The following FSD1L variants were observed in gnomAD, a reference collection of about 807,000 sequenced individuals.
FSD1L encodes fibronectin type III and SPRY domain containing 1 like.
FSD1L carries 45 observed loss-of-function variants against 71.6 expected under a neutral mutation model. The observed-to-expected ratio is 0.63, with a 90% confidence interval of 0.49 to 0.81. FSD1L has a LOEUF of 0.81. Ranked by LOEUF, FSD1L falls within the 30% of genes least tolerant of loss-of-function variation. The pLI is 0.00. For synonymous variants in FSD1L, 197 were observed against 207.2 expected, an observed-to-expected ratio of 0.95 and a Z score of 0.42; for missense variants, 561 against 618.1, an observed-to-expected ratio of 0.91 and a Z score of 0.98.
chr9:105,457,608 C>A (rs1013175242), intron 1 of FSD1L, among the ~76,000 whole-genome samples: 1 of 152,220 alleles, frequency 6.6e-6, no homozygotes, highest in African/African-American at 2.4e-5. Flanking sequence ...GTTTCTTAAC[C>A]AGCTAGAAAC....
chr9:105,497,866 T>C (rs1009834847), intron 7 of FSD1L, among the ~76,000 whole-genome samples: 1 of 152,082 alleles, frequency 6.6e-6, no homozygotes, highest in African/African-American at 2.4e-5. Context: ...TTTTTAGAGA[T>C]AGAGTCTTGC....
intron 10 of FSD1L, chr9:105,526,112 G>C (rs568208404): frequency 1.3e-6 from 2 of 1,553,804 alleles, no homozygotes; most frequent in South Asian, 2.2e-5. Context: ...CCCTTCTTTG[G>C]TCCCCTTTTT....
intron 13 of FSD1L, among the ~76,000 whole-genome samples, chr9:105,543,232 A>G (rs1421259023): frequency 1.3e-5 from 2 of 152,258 alleles, no homozygotes; most frequent in East Asian, 3.9e-4. Flanking sequence ...GTATAATTGA[A>G]GGTGATGATA....
At chr9:105,486,722 G>T (rs917397233) in intron 7 of FSD1L, among the ~76,000 whole-genome samples, 2 of 152,074 alleles carry the variant, frequency 1.3e-5, no homozygotes, top group African/African-American at 4.8e-5. Context: ...ACTTAGAGAG[G>T]AAAGTTGTCC....
At chr9:105,535,695 A>G (rs1405795007) in intron 12 of FSD1L, among the ~76,000 whole-genome samples, 1 of 152,118 alleles carries the variant, frequency 6.6e-6, no homozygotes, top group Non-Finnish European at 1.5e-5. Context: ...CCCAGGATGA[A>G]TACCCCATTT....
chr9:105,518,574 CGAAAT>C (rs1197805607), intron 10 of FSD1L, among the ~76,000 whole-genome samples: 1 of 152,010 alleles, frequency 6.6e-6, no homozygotes, highest in Non-Finnish European at 1.5e-5. Context: ...GGGTAAATAA[CGAAAT>C]GAAGGCAGAA....
intron 13 of FSD1L, among the ~76,000 whole-genome samples, chr9:105,544,062 G>A (rs1176137898): frequency 3.9e-5 from 6 of 152,188 alleles, no homozygotes; most frequent in African/African-American, 1.2e-4. Context: ...GTGTAAAAGT[G>A]TTCCTGTTTC....
At chr9:105,526,499 C>G in intron 10 of FSD1L, 1 of 1,612,232 alleles carries the variant, frequency 6.2e-7, no homozygotes, top group Non-Finnish European at 8.5e-7. Context: ...CATGAAGCTG[C>G]GTCGTTCCTC....
intron 10 of FSD1L, among the ~76,000 whole-genome samples, chr9:105,516,370 C>T (rs1834722642): frequency 6.6e-6 from 1 of 152,152 alleles, no homozygotes; most frequent in Non-Finnish European, 1.5e-5. Flanking sequence ...TCAAGTGGGT[C>T]CTTGACCCCC....
At position 105,548,256 on chromosome 9, in the gene FSD1L, G is replaced by C. The variant is rs1239527257; in HGVS notation, c.*1773G>C. 1 of 152,046 alleles carries C rather than the reference G, an allele frequency of 6.6e-6. No individual in the cohort carries two copies. Among genetic ancestry groups the C allele is most frequent in the Non-Finnish European group, 1.5e-5 (1 of 67,936 alleles). 9.4% of individuals were successfully genotyped at this position (152,046 alleles called of 1,614,324 possible). ...TTTGAAAGAAATTTTCAGATGTTCT[G>C]TTCCCTATAGAGGGCCTATTCCAGG... On this transcript the variant is annotated 3_prime_UTR_variant, in exon 14 of 14. Coordinates refer to ENST00000481272, the MANE Select transcript of FSD1L (RefSeq NM_001145313.3).
In FSD1L at chr9:105,521,956, T is replaced by C. The variant is rs1589070647; in HGVS notation, c.1025+9020T>C. 2.5e-6 allele frequency: 4 copies of C among 1,612,912 alleles called. No homozygotes were observed. In the East Asian group the frequency reaches 8.9e-5, roughly 36 times the overall value. ...CGCATTCTTAACATTTATCGGTACA[T>C]GGTTGTACAAGTATCAATGGACAAA... is the stretch of plus-strand genomic sequence containing the variant. On this transcript the variant is annotated intron_variant, in intron 10 of 13. Coordinates refer to ENST00000481272, the MANE Select transcript of FSD1L (RefSeq NM_001145313.3).
intron 13 of FSD1L, among the ~76,000 whole-genome samples, chr9:105,540,016 G>T (rs1224159704): frequency 6.6e-6 from 1 of 151,864 alleles, no homozygotes; most frequent in Non-Finnish European, 1.5e-5. Context: ...CTATGATTGG[G>T]GTTGCTAGAT....
chr9:105,512,289 T>C (rs1834440452), intron 9 of FSD1L, among the ~76,000 whole-genome samples: 1 of 152,148 alleles, frequency 6.6e-6, no homozygotes, highest in African/African-American at 2.4e-5. Flanking sequence ...GTTTCCTTGT[T>C]CTGCCATCAC....
At chr9:105,443,245 C>T (rs1340719535), upstream of FSD1L, among the ~76,000 whole-genome samples, 1 of 152,238 alleles carries the variant, frequency 6.6e-6, no homozygotes, top group African/African-American at 2.4e-5. Context: ...TTAATGGACT[C>T]ACAGTTCCAT....
chr9:105,548,170 A>G lies in FSD1L; in HGVS notation c.*1687A>G, dbSNP rs1365917809. On this transcript the variant is annotated 3_prime_UTR_variant, in exon 14 of 14. Coordinates refer to ENST00000481272, the MANE Select transcript of FSD1L (RefSeq NM_001145313.3). ...GGCAGTTTAGAGAATGAAGTAAACCAATAGATACTCTTTTGATTCTCCAAA... is the reference window on the plus strand; with the variant it reads ...GGCAGTTTAGAGAATGAAGTAAACCGATAGATACTCTTTTGATTCTCCAAA... The G allele has an allele frequency of 6.6e-6, 1 of 152,154 alleles. No individual in the cohort carries two copies. The highest frequency in any genetic ancestry group is 1.5e-5 in the Non-Finnish European group (1 of 67,988). 9.4% of individuals were successfully genotyped at this position (152,154 alleles called of 1,614,324 possible). A position where few individuals can be genotyped will look rare whatever the true frequency, so the allele number is the denominator to read the frequency against.
At chr9:105,533,836 G>A (rs933860643) in intron 10 of FSD1L, among the ~76,000 whole-genome samples, 1 of 151,764 alleles carries the variant, frequency 6.6e-6, no homozygotes, top group Non-Finnish European at 1.5e-5. Context: ...CGATTCTCCT[G>A]CCTCAGCCTC....
At chr9:105,498,223 ATTG>A (rs1554708797) in intron 7 of FSD1L, among the ~76,000 whole-genome samples, 7 of 147,168 alleles carry the variant, frequency 4.8e-5, no homozygotes, top group African/African-American at 1.5e-4. Flanking sequence ...TATTATTATT[ATTG>A]TTTTTAGTTT....
chr9:105,546,503 T>C lies in FSD1L; in HGVS notation c.*20T>C. On this transcript the variant is annotated 3_prime_UTR_variant, in exon 14 of 14. Transcript: ENST00000481272. ...CAATAGTGTCTACTCAGAATACGTT[T>C]ACCCTCCGTCTTGATTAGGTGGCCT... The C allele has an allele frequency of 6.6e-7, 1 of 1,519,890 alleles. No individual in the cohort carries two copies. The highest frequency in any genetic ancestry group is 2.5e-5 in the East Asian group (1 of 40,458). The allele number at this position is 1,519,890 out of a possible 1,614,324, so 94.2% of individuals were successfully genotyped here. A position where few individuals can be genotyped will look rare whatever the true frequency, so the allele number is the denominator to read the frequency against.
chr9:105,508,768 T>C (rs1834222292), intron 9 of FSD1L, 53 bp downstream of exon 9: 3 of 1,075,034 alleles, frequency 2.8e-6, no homozygotes, highest in South Asian at 3.0e-5. Flanking sequence ...CATCTGAAGT[T>C]ATTCATAACT....
Sources: gnomAD v4.1 joint callset for allele counts (sites outside exome capture counted in the v4.1 genomes callset) on GRCh38, gnomAD v4.1.1 for gene constraint, MANE v1.5 for transcripts, NCBI Gene and HGNC (gene_info 2026-07-23, HGNC 2026-07-21) for gene names.